Variants in KIAA1671 observed in about 807,000 individuals in gnomAD.
The protein encoded by KIAA1671 is KIAA1671, also known as uncharacterized protein KIAA1671.
KIAA1671 carries 52 observed loss-of-function variants against 131.2 expected under a neutral mutation model. That is an observed-to-expected ratio of 0.40 (90% confidence interval 0.32 to 0.50). The LOEUF (loss-of-function observed/expected upper bound fraction) is 0.50, where lower values mean the gene tolerates loss of function less well. Among genes scored for constraint, KIAA1671 ranks in the 20% least tolerant of loss-of-function variants. The pLI, the probability that KIAA1671 is intolerant of heterozygous loss-of-function variation, is 0.73. For synonymous variants in KIAA1671, 1,003 were observed against 961.6 expected (o/e 1.04, Z -0.80); for missense variants, 2,360 against 2,364.2 (o/e 1.00, Z 0.04).
rs1383418957 is a variant in KIAA1671 at position 25,195,475 on chromosome 22, A to G, written c.*3074A>G. Reference sequence around the variant, plus strand: ...AGCCTCAGGATTCAGGGAAAGGACAATCAGATGGCGGTGTTTTCCAGGGGG... The same window carrying G: ...AGCCTCAGGATTCAGGGAAAGGACAGTCAGATGGCGGTGTTTTCCAGGGGG... On this transcript the variant is annotated 3_prime_UTR_variant, in exon 13 of 13. Transcript: ENST00000358431. 1 of 152,146 alleles carries G rather than the reference A, an allele frequency of 6.6e-6. No individual in the cohort carries two copies. Among genetic ancestry groups the G allele is most frequent in the East Asian group, 1.9e-4 (1 of 5,190 alleles). The allele number at this position is 152,146 out of a possible 1,614,324, so 9.4% of individuals were successfully genotyped here. A position where few individuals can be genotyped will look rare whatever the true frequency, so the allele number is the denominator to read the frequency against.
At chr22:24,985,387 T>A (rs1040207288) in intron 1 of KIAA1671, among the ~76,000 whole-genome samples, 4 of 151,668 alleles carry the variant, frequency 2.6e-5, no homozygotes, top group Admixed American at 1.3e-4. Flanking sequence ...TCACCCAGGC[T>A]GGAGTGCAGT....
chr22:25,080,918 G>A (rs1929369426), intron 6 of KIAA1671, among the ~76,000 whole-genome samples: 3 of 152,128 alleles, frequency 2.0e-5, no homozygotes, highest in East Asian at 1.9e-4. Flanking sequence ...CGTGCTGTTG[G>A]GAGCTTTGTC....
At position 25,093,824 on chromosome 22, in the gene KIAA1671, T is replaced by TGTC. The variant is rs1555877745; in HGVS notation, c.4530+44460_4530+44461insGTC. On this transcript the variant is annotated intron_variant, in intron 6 of 12. Coordinates refer to ENST00000358431, the MANE Select transcript of KIAA1671 (RefSeq NM_001145206.2). ...TCTCTCTCTCTCTGTCTCTCTCTCT[T>TGTC]TCTCTCTCTGTCTGTCTCTCTCTCT... is the stretch of plus-strand genomic sequence containing the variant. Among the ~76,000 whole-genome samples, 3 of 21,922 alleles carry TGTC rather than the reference T, an allele frequency of 1.4e-4. 1 individual carries two copies. The highest frequency in any genetic ancestry group is 8.8e-4 in the Admixed American group (2 of 2,282). 14.4% of individuals were successfully genotyped at this position (21,922 alleles called of 152,430 possible).
intron 4 of KIAA1671, 105 bp downstream of exon 4, chr22:25,032,801 A>G (rs2076119): frequency 0.7 from 428,110 of 611,056 alleles, 153,126 homozygotes; most frequent in African/African-American, 0.93. Context: ...ACTCAGAAAC[A>G]TGTCATGCAC....
At chr22:25,122,201 G>C (rs1019404436) in intron 6 of KIAA1671, among the ~76,000 whole-genome samples, 7 of 152,142 alleles carry the variant, frequency 4.6e-5, no homozygotes, top group Non-Finnish European at 8.8e-5. Context: ...TCGGGCACCG[G>C]ACCACATTGA....
chr22:25,182,560 A>AT (rs1490284096), intron 10 of KIAA1671, among the ~76,000 whole-genome samples: 1 of 152,184 alleles, frequency 6.6e-6, no homozygotes, highest in Admixed American at 6.5e-5. Flanking sequence ...AGTATTTCAC[A>AT]TGACCATAGC....
At chr22:25,143,453 C>T (rs755572238) in intron 6 of KIAA1671, among the ~76,000 whole-genome samples, 3 of 152,162 alleles carry the variant, frequency 2.0e-5, no homozygotes, top group East Asian at 1.9e-4. Context: ...GAAATGAATT[C>T]GTATAAAATA....
chr22:25,121,859 C>T (rs140593734), intron 6 of KIAA1671, among the ~76,000 whole-genome samples: 15 of 152,242 alleles, frequency 9.9e-5, no homozygotes, highest in African/African-American at 3.1e-4. Context: ...AAGTTTAGAT[C>T]GTTTAATCTT....
At chr22:25,140,686 C>T (rs560865150) in intron 6 of KIAA1671, among the ~76,000 whole-genome samples, 3 of 152,252 alleles carry the variant, frequency 2.0e-5, no homozygotes, top group East Asian at 3.9e-4. Context: ...CCGTGAGGGT[C>T]GATGCCAGAG....
chr22:25,156,368 T>C (rs1033918707), intron 6 of KIAA1671, among the ~76,000 whole-genome samples: 4 of 152,038 alleles, frequency 2.6e-5, no homozygotes, highest in Non-Finnish European at 4.4e-5. Context: ...CATATATGTG[T>C]GTATTTGTGT....
chr22:25,008,170 C>T (rs1307534396), intron 1 of KIAA1671, among the ~76,000 whole-genome samples: 1 of 137,276 alleles, frequency 7.3e-6, no homozygotes, highest in Non-Finnish European at 1.5e-5. Context: ...TGCACTCCAG[C>T]CTGAGAGACA....
chr22:25,181,816 T>C lies in KIAA1671; in HGVS notation c.5192T>C (p.Val1731Ala), dbSNP rs1341219262. 1.9e-6 allele frequency: 3 copies of C among 1,551,342 alleles called. No homozygotes were observed. The highest frequency in any genetic ancestry group is 2.0e-5 in the Admixed American group (1 of 50,968). Residue 1731 changes from valine to alanine, a missense_variant, in exon 10 of 13, where the codon GTG becomes GCG. Val to Ala is a moderately conservative substitution (Grantham distance 64). Transcript: ENST00000358431. ...MPAFPGMDPA[V>A]LKAQLHKRPE... ...GCGTTTCCAGGCATGGATCCGGCAG[T>C]GCTAAAGGTACCAGACCTCTCACCA...
chr22:25,070,361 T>C, intron 6 of KIAA1671: 1 of 491,010 alleles, frequency 2.0e-6, no homozygotes, highest in Non-Finnish European at 3.8e-6. Flanking sequence ...CTCTGGGTGC[T>C]GGAAATGGAG....
chr22:25,122,899 C>T (rs1428866199), intron 6 of KIAA1671, among the ~76,000 whole-genome samples: 7 of 151,952 alleles, frequency 4.6e-5, no homozygotes, highest in Admixed American at 2.6e-4. Context: ...GGTGTGAACC[C>T]GGGAGACAGA....
chr22:25,138,893 C>G (rs150930277), intron 6 of KIAA1671, among the ~76,000 whole-genome samples: 264 of 152,226 alleles, frequency 1.7e-3, no homozygotes, highest in African/African-American at 6.1e-3. Flanking sequence ...GCTTCCATGA[C>G]CCAGGAAACT....
chr22:25,057,805 T>G (rs1011215154), intron 6 of KIAA1671: 1 of 152,394 alleles, frequency 6.6e-6, no homozygotes, highest in African/African-American at 2.4e-5. Flanking sequence ...GCATGCTGGC[T>G]AATTTTTGTA....
At chr22:25,064,685 C>T (rs1928366774) in intron 6 of KIAA1671, 1 of 152,250 alleles carries the variant, frequency 6.6e-6, no homozygotes, top group African/African-American at 2.4e-5. Context: ...AAGATGGGCA[C>T]ATGTCTGGCT....
chr22:25,138,778 T>G (rs1001914757), intron 6 of KIAA1671, among the ~76,000 whole-genome samples: 4 of 152,234 alleles, frequency 2.6e-5, no homozygotes, highest in African/African-American at 9.6e-5. Flanking sequence ...TTCAAGATAT[T>G]CAGGCCCATA....
At chr22:24,995,176 G>A (rs1174964514) in intron 1 of KIAA1671, among the ~76,000 whole-genome samples, 3 of 147,248 alleles carry the variant, frequency 2.0e-5, no homozygotes, top group Non-Finnish European at 4.5e-5. Flanking sequence ...TCAGCCTCCT[G>A]AGTAGCTGGG....
Sources: gnomAD v4.1 joint callset for allele counts (sites outside exome capture counted in the v4.1 genomes callset) on GRCh38, gnomAD v4.1.1 for gene constraint, MANE v1.5 for transcripts, NCBI Gene and HGNC (gene_info 2026-07-23, HGNC 2026-07-21) for gene names.